DCP2: variants seen among roughly 807,000 people sequenced by gnomAD.
The protein encoded by DCP2 is m7GpppN-mRNA hydrolase.
Under a neutral mutation model 56.1 loss-of-function variants are expected in DCP2, and 30 were observed. The observed-to-expected ratio is 0.53, with a 90% CI of 0.40 to 0.73. The LOEUF (loss-of-function observed/expected upper bound fraction) is 0.73, where lower values mean the gene tolerates loss of function less well. Ranked by LOEUF, DCP2 falls within the 30% of genes least tolerant of loss-of-function variation. The pLI is 0.00. For synonymous variants in DCP2, 197 were observed against 163.3 expected (o/e 1.21, Z -1.57); for missense variants, 533 against 502.7 (o/e 1.06, Z -0.58).
chr5:112,987,769 C>T (rs573769291), intron 2 of DCP2, among the ~76,000 whole-genome samples: 152 of 151,894 alleles, frequency 1.0e-3, no homozygotes, highest in African/African-American at 3.6e-3. Flanking sequence ...CAACTGTGCC[C>T]AAACTGATTT....
intron 4 of DCP2, among the ~76,000 whole-genome samples, chr5:112,995,547 G>A (rs1748809370): frequency 6.6e-6 from 1 of 152,170 alleles, no homozygotes; most frequent in Non-Finnish European, 1.5e-5. Flanking sequence ...TTAGGTTTTT[G>A]TCTTGGTTTG....
intron 4 of DCP2, among the ~76,000 whole-genome samples, chr5:112,998,148 C>A (rs1248540169): frequency 1.3e-5 from 2 of 152,302 alleles, no homozygotes; most frequent in African/African-American, 4.8e-5. Flanking sequence ...ATTTTACAGG[C>A]AAATCTGTTT....
At chr5:112,990,411 C>T (rs1748525745) in intron 2 of DCP2, among the ~76,000 whole-genome samples, 2 of 152,148 alleles carry the variant, frequency 1.3e-5, no homozygotes, top group Admixed American at 6.5e-5. Context: ...CACATTTGCT[C>T]CTTGGCTGAA....
At chr5:113,007,693 G>A (rs1204725333) in intron 8 of DCP2, among the ~76,000 whole-genome samples, 2 of 152,114 alleles carry the variant, frequency 1.3e-5, no homozygotes, top group Non-Finnish European at 2.9e-5. Flanking sequence ...CACTGCGCCC[G>A]GCCGAGGTGT....
intron 1 of DCP2, chr5:112,984,327 A>G (rs1748144865): frequency 6.6e-6 from 1 of 152,204 alleles, no homozygotes; most frequent in African/African-American, 2.4e-5. Context: ...GGTCACATAC[A>G]CATCTAGATG....
At position 113,013,890 on chromosome 5, in the gene DCP2, T is replaced by C. The variant is rs1749780082; in HGVS notation, c.*406T>C. 1 of 155,566 alleles carries C rather than the reference T, an allele frequency of 6.4e-6. No individual in the cohort carries two copies. Among genetic ancestry groups the C allele is most frequent in the Non-Finnish European group, 1.4e-5 (1 of 70,260 alleles). 9.6% of individuals were successfully genotyped at this position (155,566 alleles called of 1,614,324 possible). A position where few individuals can be genotyped will look rare whatever the true frequency, so the allele number is the denominator to read the frequency against. ...AGTTTTTCAAAGAAACTTAAAGTAA[T>C]GCCCAATTATTAAATGAACACAAGA... On this transcript the variant is annotated 3_prime_UTR_variant, in exon 11 of 11. Coordinates refer to ENST00000389063, the MANE Select transcript of DCP2 (RefSeq NM_152624.6).
Position 113,017,830 on chromosome 5 carries a change from ATATC to A in DCP2, c.*4350_*4353del, listed in dbSNP as rs1210722173. 6.6e-6 allele frequency: 1 copy of A among 152,042 alleles called. No individual in the cohort carries two copies. The highest frequency in any genetic ancestry group is 1.9e-4 in the East Asian group (1 of 5,202). 9.4% of individuals were successfully genotyped at this position (152,042 alleles called of 1,614,324 possible). A position where few individuals can be genotyped will look rare whatever the true frequency, so the allele number is the denominator to read the frequency against. On this transcript the variant is annotated 3_prime_UTR_variant, in exon 11 of 11. Transcript: ENST00000389063. ...GTCATTCATATATATATGAATATCT[ATATC>A]TATATCTATACATATATATGTATCG...
At chr5:112,990,155 CAGTTG>C (rs1315225795) in intron 2 of DCP2, among the ~76,000 whole-genome samples, 4 of 152,014 alleles carry the variant, frequency 2.6e-5, no homozygotes, top group Admixed American at 2.6e-4. Flanking sequence ...TGTTATGGGC[CAGTTG>C]AGTTGATGGT....
In DCP2 at chr5:112,980,005, G is replaced by A. The variant is rs189797045; in HGVS notation, c.53+3019G>A. Among the ~76,000 whole-genome samples, 670 of 152,224 alleles carry A rather than the reference G, an allele frequency of 4.4e-3. 4 individuals are homozygous for A. Among genetic ancestry groups the A allele is most frequent in the African/African-American group, 0.016 (646 of 41,544 alleles). On this transcript the variant is annotated intron_variant, in intron 1 of 10. Coordinates refer to ENST00000389063, the MANE Select transcript of DCP2 (RefSeq NM_152624.6). ...GGAGTAGAATTAGAGGAGAGGAAGG[G>A]AAGAGTTTGGTCTTAAAATATTCTA... is the stretch of plus-strand genomic sequence containing the variant.
intron 9 of DCP2, among the ~76,000 whole-genome samples, chr5:113,009,772 A>T (rs532321512): frequency 1.3e-5 from 2 of 152,242 alleles, no homozygotes; most frequent in Admixed American, 6.5e-5. Context: ...TTTAAAGACT[A>T]TCAGACACTA....
In DCP2 at chr5:113,004,954, T is replaced by C. The variant is rs548084131; in HGVS notation, c.942+877T>C. On this transcript the variant is annotated intron_variant, in intron 8 of 10. Coordinates refer to ENST00000389063, the MANE Select transcript of DCP2 (RefSeq NM_152624.6). ...TCAGCCCCGACATGGTGAAACCCCG[T>C]CTTTACTAAAAATACAAAAAATTAG... Among the ~76,000 whole-genome samples, 4 of 152,014 alleles carry C rather than the reference T, an allele frequency of 2.6e-5. No homozygotes were observed. In the East Asian group the frequency reaches 7.7e-4, roughly 29 times the overall value.
intron 2 of DCP2, among the ~76,000 whole-genome samples, chr5:112,991,086 G>A (rs1198222462): frequency 6.6e-6 from 1 of 151,916 alleles, no homozygotes; most frequent in Non-Finnish European, 1.5e-5. Flanking sequence ...GTTTTTAATA[G>A]CCTGTAGCAA....
intron 2 of DCP2, among the ~76,000 whole-genome samples, chr5:112,986,341 CT>C (rs34825323): frequency 0.26 from 37,301 of 144,120 alleles, 5,862 homozygotes; most frequent in African/African-American, 0.47. Flanking sequence ...AATTTTTTTT[CT>C]TTTTTTTTTT....
At position 113,020,079 on chromosome 5, in the gene DCP2, G is replaced by A. The variant is rs1750041971; in HGVS notation, c.*6595G>A. 1.3e-5 allele frequency: 2 copies of A among 152,212 alleles called. No individual in the cohort carries two copies. The highest frequency in any genetic ancestry group is 2.9e-5 in the Non-Finnish European group (2 of 68,026). The allele number at this position is 152,212 out of a possible 1,614,324, so 9.4% of individuals were successfully genotyped here. ...TAGTCTTAAAACAATTTGTTTGGGA[G>A]TAAGTTTTAGTCGGAAAAAGGTGAA... is the stretch of plus-strand genomic sequence containing the variant. On this transcript the variant is annotated 3_prime_UTR_variant, in exon 11 of 11. Transcript: ENST00000389063.
rs1749811612 is a variant in DCP2, at chr5:113,014,686, G to C, written c.*1202G>C. On this transcript the variant is annotated 3_prime_UTR_variant, in exon 11 of 11. Transcript: ENST00000389063. ...CTGAGGACAATCACCAGGGCGTTAA[G>C]GGGGCTTTAGTGTTTTGGCTGCATC... The C allele has an allele frequency of 6.6e-6, 1 of 152,646 alleles. No individual in the cohort carries two copies. The highest frequency in any genetic ancestry group is 2.1e-4 in the South Asian group (1 of 4,832). 9.5% of individuals were successfully genotyped at this position (152,646 alleles called of 1,614,324 possible).
rs1174736671 is a variant in DCP2 at position 113,017,984 on chromosome 5, TC to T, written c.*4502del. The T allele has an allele frequency of 8.5e-5, 13 of 152,290 alleles. No individual in the cohort carries two copies. Among genetic ancestry groups the T allele is most frequent in the Non-Finnish European group, 8.8e-5 (6 of 68,008 alleles). 9.4% of individuals were successfully genotyped at this position (152,290 alleles called of 1,614,324 possible). A position where few individuals can be genotyped will look rare whatever the true frequency, so the allele number is the denominator to read the frequency against. ...GACCAGTGATGAGGAGTCTGGTCCT[TC>T]CTGTACTGATACTGTAGAACTCCAG... On this transcript the variant is annotated 3_prime_UTR_variant, in exon 11 of 11. Coordinates refer to ENST00000389063, the MANE Select transcript of DCP2 (RefSeq NM_152624.6).
chr5:113,015,152 T>G lies in DCP2; in HGVS notation c.*1668T>G, dbSNP rs1749834026. On this transcript the variant is annotated 3_prime_UTR_variant, in exon 11 of 11. Transcript: ENST00000389063. ...TTTTTAATGCATTATATGATTGTGT[T>G]TGGAAGCTTTTACTGTTCTTTTCAG... 2 of 152,612 alleles carry G rather than the reference T, an allele frequency of 1.3e-5. No individual in the cohort carries two copies. The highest frequency in any genetic ancestry group is 4.8e-5 in the African/African-American group (2 of 41,450). The allele number at this position is 152,612 out of a possible 1,614,324, so 9.5% of individuals were successfully genotyped here. A position where few individuals can be genotyped will look rare whatever the true frequency, so the allele number is the denominator to read the frequency against.
rs546031857 is a variant in DCP2 at position 113,006,015 on chromosome 5, G to A, written c.943-1923G>A. Among the ~76,000 whole-genome samples the A allele has an allele frequency of 1.1e-4, 16 of 151,340 alleles. No homozygotes were observed. In the East Asian group the frequency reaches 3.1e-3, roughly 30 times the overall value. On this transcript the variant is annotated intron_variant, in intron 8 of 10. Coordinates refer to ENST00000389063, the MANE Select transcript of DCP2 (RefSeq NM_152624.6). ...GTGGTGCACACCTGTAGTTCCAGCT[G>A]CTCAGGAGGCTGAGGTGGGAAAATC...
At chr5:112,987,289 A>AT (rs1748334728) in intron 2 of DCP2, among the ~76,000 whole-genome samples, 2 of 152,160 alleles carry the variant, frequency 1.3e-5, no homozygotes, top group South Asian at 4.2e-4. Context: ...GTAAAGAAAA[A>AT]TTGGAGATTT....
Sources: gnomAD v4.1 joint callset for allele counts (sites outside exome capture counted in the v4.1 genomes callset) on GRCh38, gnomAD v4.1.1 for gene constraint, MANE v1.5 for transcripts, NCBI Gene and HGNC (gene_info 2026-07-23, HGNC 2026-07-21) for gene names.